ARHGEF28: variants seen among roughly 807,000 people sequenced by gnomAD.
The protein encoded by ARHGEF28 is 190 kDa guanine nucleotide exchange factor.
Under a neutral mutation model 206.6 loss-of-function variants are expected in ARHGEF28, and 152 were observed. The observed-to-expected ratio is 0.74, with a 90% CI of 0.64 to 0.84. ARHGEF28 has a LOEUF of 0.84. ARHGEF28 is among the 40% of genes least tolerant of loss of function. The pLI, the probability that ARHGEF28 is intolerant of heterozygous loss-of-function variation, is 0.00. For missense variants in ARHGEF28, 2,028 were observed against 2,073.2 expected (o/e 0.98, Z 0.42); for synonymous variants, 763 against 776.4 (o/e 0.98, Z 0.29).
intron 35 of ARHGEF28, among the ~76,000 whole-genome samples, chr5:73,923,974 C>T (rs1285020772): frequency 6.6e-6 from 1 of 152,050 alleles, no homozygotes; most frequent in African/African-American, 2.4e-5. Context: ...ACATAATTTA[C>T]ATAGAGTGAA....
intron 1 of ARHGEF28, among the ~76,000 whole-genome samples, chr5:73,665,891 C>G (rs1745921231): frequency 6.6e-6 from 1 of 152,148 alleles, no homozygotes; most frequent in Non-Finnish European, 1.5e-5. Flanking sequence ...GTTCTTCTCA[C>G]AATGTAAAAT....
intron 2 of ARHGEF28, among the ~76,000 whole-genome samples, chr5:73,693,092 T>C (rs1747944599): frequency 6.6e-6 from 1 of 152,212 alleles, no homozygotes; most frequent in Non-Finnish European, 1.5e-5. Flanking sequence ...GGTTTGACAC[T>C]CTGGATTTTA....
At chr5:73,889,050 C>T (rs1178843150) in intron 26 of ARHGEF28, among the ~76,000 whole-genome samples, 3 of 152,238 alleles carry the variant, frequency 2.0e-5, no homozygotes, top group Admixed American at 1.3e-4. Context: ...TGTTCATACA[C>T]TCCTGAGTTA....
intron 4 of ARHGEF28, among the ~76,000 whole-genome samples, chr5:73,769,188 T>A (rs1203083473): frequency 2.0e-5 from 3 of 152,148 alleles, no homozygotes; most frequent in Non-Finnish European, 2.9e-5. Context: ...TGTGTCTGTA[T>A]GTGTATATAT....
intron 33 of ARHGEF28, 56 bp downstream of exon 33, chr5:73,904,461 C>T (rs1762443733): frequency 6.0e-6 from 9 of 1,505,510 alleles, no homozygotes; most frequent in South Asian, 1.2e-5. Context: ...ATGCAATTCT[C>T]TTTGATGATT....
At chr5:73,861,580 A>G (rs1759405760) in intron 16 of ARHGEF28, among the ~76,000 whole-genome samples, 1 of 152,212 alleles carries the variant, frequency 6.6e-6, no homozygotes, top group Non-Finnish European at 1.5e-5. Flanking sequence ...CTATAGGCAC[A>G]TGCCACAACA....
intron 29 of ARHGEF28, among the ~76,000 whole-genome samples, chr5:73,895,026 G>T (rs533717326): frequency 6.6e-6 from 1 of 152,132 alleles, no homozygotes; most frequent in East Asian, 1.9e-4. Flanking sequence ...AAGGGAGGGT[G>T]GGGTGAGCAG....
intron 9 of ARHGEF28, among the ~76,000 whole-genome samples, chr5:73,807,426 T>C (rs1198299581): frequency 6.6e-6 from 1 of 152,110 alleles, no homozygotes; most frequent in Non-Finnish European, 1.5e-5. Flanking sequence ...AAGATATTCA[T>C]CTAGGTAGAA....
At chr5:73,858,055 C>G in intron 15 of ARHGEF28, 32 bp from the exon 16 acceptor site, 1 of 1,568,862 alleles carries the variant, frequency 6.4e-7, no homozygotes, top group Middle Eastern at 1.8e-4. Flanking sequence ...TCATTTTTCC[C>G]CACTTTCCTA....
chr5:73,806,128 T>C (rs535780518), intron 9 of ARHGEF28, among the ~76,000 whole-genome samples: 2 of 150,924 alleles, frequency 1.3e-5, no homozygotes, highest in Non-Finnish European at 3.0e-5. Flanking sequence ...TCATAGTTAC[T>C]ATAGTTACCT....
intron 1 of ARHGEF28, among the ~76,000 whole-genome samples, chr5:73,665,224 T>G (rs894732528): frequency 3.9e-5 from 6 of 152,220 alleles, no homozygotes; most frequent in Non-Finnish European, 8.8e-5. Context: ...CACTTAAAAA[T>G]CCACTTACTG....
intron 9 of ARHGEF28, among the ~76,000 whole-genome samples, chr5:73,826,101 G>A (rs185424680): frequency 6.6e-6 from 1 of 152,292 alleles, no homozygotes; most frequent in East Asian, 1.9e-4. Context: ...GGCCAGCAAG[G>A]TGGGAGGAGA....
chr5:73,707,242 C>T lies in ARHGEF28; in HGVS notation c.33+22358C>T, dbSNP rs553064378. Among the ~76,000 whole-genome samples the T allele has an allele frequency of 4.6e-5, 7 of 152,282 alleles. No individual in the cohort carries two copies. In the South Asian group the frequency reaches 1.2e-3, roughly 27 times the overall value. ...CTCTTCCTGGCTGGTCTCATAGCTG[C>T]CTGTGACCAGAGCAGAGAGGCAAAT... On this transcript the variant is annotated intron_variant, in intron 2 of 35. Transcript: ENST00000513042.
chr5:73,697,981 A>C (rs1748327651), intron 2 of ARHGEF28, among the ~76,000 whole-genome samples: 1 of 152,226 alleles, frequency 6.6e-6, no homozygotes, highest in African/African-American at 2.4e-5. Context: ...GGGCAGATGC[A>C]GGTTTTGTGA....
chr5:73,641,913 T>A (rs535223877), intron 1 of ARHGEF28, among the ~76,000 whole-genome samples: 1 of 152,368 alleles, frequency 6.6e-6, no homozygotes, highest in East Asian at 1.9e-4. Flanking sequence ...TGGAGCCTCA[T>A]GCTACTACCT....
intron 9 of ARHGEF28, chr5:73,813,535 G>A (rs1032117333): frequency 1.4e-5 from 21 of 1,531,528 alleles, no homozygotes; most frequent in Middle Eastern, 1.7e-4. Context: ...GGGACGCCCC[G>A]AGTTCTTCCT....
chr5:73,856,847 A>G lies in ARHGEF28; in HGVS notation c.1791-809A>G, dbSNP rs181827243. ...ATCTACAGAAGTGTTACCTGGTTTG[A>G]CATGATATTTAGGTTGATTTTTAAT... On this transcript the variant is annotated intron_variant, in intron 14 of 35. Coordinates refer to ENST00000513042, the MANE Select transcript of ARHGEF28 (RefSeq NM_001177693.2). Among the ~76,000 whole-genome samples, 178 of 152,282 alleles carry G rather than the reference A, an allele frequency of 1.2e-3. 1 individual carries two copies. Among genetic ancestry groups the G allele is most frequent in the Admixed American group, 4.7e-3 (72 of 15,290 alleles).
chr5:73,857,160 G>GT (rs1561461083), intron 14 of ARHGEF28, among the ~76,000 whole-genome samples: 1 of 152,054 alleles, frequency 6.6e-6, no homozygotes, highest in African/African-American at 2.4e-5. Flanking sequence ...TTCTCAGGCC[G>GT]TATCAACAGA....
At chr5:73,832,567 A>T in intron 10 of ARHGEF28, 108 bp downstream of exon 10, 1 of 1,412,534 alleles carries the variant, frequency 7.1e-7, no homozygotes, top group South Asian at 1.4e-5. Flanking sequence ...TTAGCCTAAG[A>T]GCAGCAAAGA....
Sources: allele counts gnomAD v4.1 joint callset (sites outside exome capture counted in the v4.1 genomes callset), GRCh38; gene constraint gnomAD v4.1.1; transcripts MANE v1.5; gene names NCBI Gene and HGNC (gene_info 2026-07-23, HGNC 2026-07-21).